PPP1CA: variants seen among roughly 807,000 people sequenced by gnomAD.
The protein encoded by PPP1CA is serine/threonine-protein phosphatase PP1-alpha catalytic subunit.
In PPP1CA, 14 loss-of-function variants were observed where a neutral mutation model predicts 38.5. The ratio of observed to expected loss-of-function variants is 0.36; its 90% CI spans 0.24 to 0.57. PPP1CA has a LOEUF of 0.57. Among genes scored for constraint, PPP1CA ranks in the 20% least tolerant of loss-of-function variants. PPP1CA has a pLI of 0.80. For missense variants in PPP1CA, 277 were observed against 435.2 expected (o/e 0.64, Z 3.23); for synonymous variants, 200 against 177.3 (o/e 1.13, Z -1.02).
Position 67,400,768 on chromosome 11 carries a change from C to T in PPP1CA, c.339G>A (p.Lys113=). ...TICLLLAYKI[K]YPENFFLLRG... is the part of the protein sequence containing the mutation. ...GGAGCAGGAAGAAGTTCTCGGGGTA[C>T]TTGATCTTATAGGCCAGCAGCAGGC... The change falls in exon 3 of 7, where the codon AAG becomes AAA. Residue 113 remains lysine (K), a synonymous_variant. Coordinates refer to ENST00000376745, the MANE Select transcript of PPP1CA (RefSeq NM_002708.4). 6.2e-7 allele frequency: 1 copy of T among 1,614,136 alleles called. No homozygotes were observed. Among genetic ancestry groups the T allele is most frequent in the Non-Finnish European group, 8.5e-7 (1 of 1,180,036 alleles).
intron 1 of PPP1CA, chr11:67,401,489 C>T: frequency 1.7e-6 from 1 of 586,672 alleles, no homozygotes; most frequent in Non-Finnish European, 2.9e-6. Flanking sequence ...TCTCCCTCGC[C>T]CCAAGAGCCC....
At chr11:67,399,434 C>A in intron 4 of PPP1CA, 127 bp downstream of exon 4, 1 of 848,116 alleles carries the variant, frequency 1.2e-6, no homozygotes. Flanking sequence ...GTGAGTGCAG[C>A]CCAGCACAGT....
Position 67,401,794 on chromosome 11 carries a change from CGCTCCAGCCCAGCA to C in PPP1CA, c.-26_-13del, listed in dbSNP as rs1303829363. 1 of 1,465,948 alleles carries C rather than the reference CGCTCCAGCCCAGCA, an allele frequency of 6.8e-7. No individual in the cohort carries two copies. The highest frequency in any genetic ancestry group is 9.1e-7 in the Non-Finnish European group (1 of 1,099,440). 90.8% of individuals were successfully genotyped at this position (1,465,948 alleles called of 1,614,324 possible). A position where few individuals can be genotyped will look rare whatever the true frequency, so the allele number is the denominator to read the frequency against. On this transcript the variant is annotated 5_prime_UTR_variant, in exon 1 of 7. Coordinates refer to ENST00000376745, the MANE Select transcript of PPP1CA (RefSeq NM_002708.4). Reference sequence around the variant, plus strand: ...TCGCTGTCGGACATGGCGGCGCCGCCGCTCCAGCCCAGCAGCTCCTGGCCCGCTCCTGCCTCCCG... The same window carrying C: ...TCGCTGTCGGACATGGCGGCGCCGCCGCTCCTGGCCCGCTCCTGCCTCCCG...
intron 1 of PPP1CA, 90 bp downstream of exon 1, chr11:67,401,638 G>T: frequency 1.8e-6 from 2 of 1,137,764 alleles, no homozygotes; most frequent in Non-Finnish European, 2.2e-6. Context: ...CCCAGTCTAA[G>T]CTGGCCCCGG....
intron 4 of PPP1CA, 82 bp from the exon 5 acceptor site, chr11:67,399,245 C>A: frequency 1.6e-6 from 2 of 1,238,410 alleles, no homozygotes; most frequent in South Asian, 1.4e-5. Context: ...CCCACCTTTC[C>A]CACCACCCTC....
chr11:67,400,714 G>A lies in PPP1CA; in HGVS notation c.393C>T (p.Asn131=), dbSNP rs767970786. The A allele has an allele frequency of 6.2e-7, 1 of 1,613,962 alleles. No homozygotes were observed. The highest frequency in any genetic ancestry group is 1.1e-5 in the South Asian group (1 of 91,084). ...LRGNHECASI[N]RIYGFYDECK... is the part of the protein sequence containing the mutation. ...ACTCATCGTAGAAACCATAGATGCG[G>A]TTGATGCTGGCACACTCGTGGTTCC... is the stretch of plus-strand genomic sequence containing the variant. Residue 131 remains asparagine (N), a synonymous_variant, in exon 3 of 7, where the codon AAC becomes AAT. Transcript: ENST00000376745.
chr11:67,399,873 G>A (rs1008785022), intron 3 of PPP1CA, among the ~76,000 whole-genome samples: 1 of 152,152 alleles, frequency 6.6e-6, no homozygotes, highest in African/African-American at 2.4e-5. Context: ...CAGTGGCTAA[G>A]ACCTGTAATC....
rs1381071014 is a variant in PPP1CA at position 67,398,763 on chromosome 11, C to T, written c.841G>A (p.Ala281Thr). ...NYCGEFDNAG[A>T]MMSVDETLMC... Reference sequence around the variant, plus strand: ...AGGGTCTCGTCCACACTCATCATGGCGCCAGCATTGTCAAACTCGCCACAG... The same window carrying T: ...AGGGTCTCGTCCACACTCATCATGGTGCCAGCATTGTCAAACTCGCCACAG... Residue 281 changes from alanine to threonine, a missense_variant, in exon 6 of 7, where the codon GCC (alanine) becomes ACC (threonine). Physicochemically the swap from Ala to Thr is moderately conservative, Grantham distance 58. Around this residue, in one of 3 missense-constraint regions of PPP1CA, gnomAD observed 180 missense variants for 356.7 expected, o/e 0.50. Transcript: ENST00000376745. 8 of 1,613,820 alleles carry T rather than the reference C, an allele frequency of 5.0e-6. No homozygotes were observed. Among genetic ancestry groups the T allele is most frequent in the Non-Finnish European group, 6.8e-6 (8 of 1,180,020 alleles).
rs1444687650 is a variant in PPP1CA, at chr11:67,399,079, T to C, written c.608A>G (p.Asp203Gly). Reference protein sequence around the residue: ...TDVPDQGLLCDLLWSDPDKDV... With the variant: ...TDVPDQGLLCGLLWSDPDKDV... ...CTTGTCAGGGTCAGACCACAGCAGG[T>C]CACACAGCAGGCCCTGGTCAGGCAC... is the stretch of plus-strand genomic sequence containing the variant. Residue 203 changes from aspartate to glycine, a missense_variant, in exon 5 of 7, where the codon GAC (aspartate) becomes GGC (glycine). Coordinates refer to ENST00000376745, the MANE Select transcript of PPP1CA (RefSeq NM_002708.4). 2 of 1,613,474 alleles carry C rather than the reference T, an allele frequency of 1.2e-6. No homozygotes were observed. The highest frequency in any genetic ancestry group is 1.7e-6 in the Non-Finnish European group (2 of 1,180,038).
chr11:67,398,937 C>G lies in PPP1CA; in HGVS notation c.747+3G>C. On this transcript the variant is annotated splice_donor_region_variant and intron_variant, in intron 5 of 6. Coordinates refer to ENST00000376745, the MANE Select transcript of PPP1CA (RefSeq NM_002708.4). ...CTGCCGCAGGCCGGAGCCACCAGCC[C>G]ACCTGGTGTGCTCGGCAGATGAGGT... The G allele has an allele frequency of 6.2e-7, 1 of 1,613,204 alleles. No homozygotes were observed. The highest frequency in any genetic ancestry group is 1.1e-5 in the South Asian group (1 of 91,086).
intron 3 of PPP1CA, among the ~76,000 whole-genome samples, chr11:67,400,339 G>A (rs1043683646): frequency 6.6e-6 from 1 of 152,152 alleles, no homozygotes; most frequent in African/African-American, 2.4e-5. Context: ...CTCCTCGCAT[G>A]CCCCCACCCA....
At chr11:67,401,000 G>A in intron 2 of PPP1CA, 68 bp downstream of exon 2, 2 of 1,608,332 alleles carry the variant, frequency 1.2e-6, no homozygotes, top group Non-Finnish European at 1.7e-6. Flanking sequence ...AGGGAGGAGG[G>A]CTCCAGGAAC....
chr11:67,399,438 G>C (rs2134981572), intron 4 of PPP1CA, 123 bp downstream of exon 4: 2 of 870,394 alleles, frequency 2.3e-6, no homozygotes, highest in Non-Finnish European at 3.7e-6. Context: ...GTGCAGCCCA[G>C]CACAGTGGGG....
intron 3 of PPP1CA, 59 bp downstream of exon 3, chr11:67,400,630 C>G: frequency 1.3e-6 from 2 of 1,511,862 alleles, no homozygotes; most frequent in Non-Finnish European, 1.8e-6. Flanking sequence ...GAAGGTCCCA[C>G]TGAATGGCAA....
rs1862777597 is a variant in PPP1CA, at chr11:67,398,200, C to A, written c.*335G>T. ...GCCATGGCGAGAATCCAGCTTTGAC[C>A]TTTATTCAAGAGACCAGATGGGTTG... On this transcript the variant is annotated 3_prime_UTR_variant, in exon 7 of 7. Coordinates refer to ENST00000376745, the MANE Select transcript of PPP1CA (RefSeq NM_002708.4). 8.6e-6 allele frequency: 3 copies of A among 348,370 alleles called. No homozygotes were observed. Among genetic ancestry groups the A allele is most frequent in the Non-Finnish European group, 1.6e-5 (3 of 188,712 alleles). 21.6% of individuals were successfully genotyped at this position (348,370 alleles called of 1,614,324 possible). A position where few individuals can be genotyped will look rare whatever the true frequency, so the allele number is the denominator to read the frequency against.
At position 67,398,508 on chromosome 11, in the gene PPP1CA, T is replaced by C. The variant is rs772022695; in HGVS notation, c.*27A>G. 2 of 1,602,232 alleles carry C rather than the reference T, an allele frequency of 1.2e-6. No homozygotes were observed. Among genetic ancestry groups the C allele is most frequent in the East Asian group, 2.2e-5 (1 of 44,812 alleles). On this transcript the variant is annotated 3_prime_UTR_variant, in exon 7 of 7. Transcript: ENST00000376745. ...TGATTTCTGTACAATCAATCCATCATCTGGGGCACAGGGTGGTGTGCGGGG... is the reference window on the plus strand; with the variant it reads ...TGATTTCTGTACAATCAATCCATCACCTGGGGCACAGGGTGGTGTGCGGGG...
At chr11:67,398,904 C>T in intron 5 of PPP1CA, 36 bp downstream of exon 5, 1 of 1,612,168 alleles carries the variant, frequency 6.2e-7, no homozygotes, top group Non-Finnish European at 8.5e-7. Context: ...CACGGCCCTC[C>T]CCTTCCCCTG....
Position 67,399,655 on chromosome 11 carries a change from G to T in PPP1CA, c.429C>A (p.Arg143=). The T allele has an allele frequency of 6.2e-7, 1 of 1,613,562 alleles. No individual in the cohort carries two copies. Among genetic ancestry groups the T allele is most frequent in the Non-Finnish European group, 8.5e-7 (1 of 1,179,694 alleles). ...AGGTTTTCCACAGTTTGATGTTGTA[G>T]CGTCTCTTGCCTGCCCAGGGGGAGG... The part of the protein sequence containing the change: ...IYGFYDECKR[R]YNIKLWKTFT... The change falls in exon 4 of 7, where the codon CGC becomes CGA. Residue 143 remains arginine, a synonymous_variant. Transcript: ENST00000376745.
chr11:67,399,998 G>A (rs531556640), intron 3 of PPP1CA, among the ~76,000 whole-genome samples: 26 of 152,180 alleles, frequency 1.7e-4, no homozygotes, highest in Non-Finnish European at 3.4e-4. Flanking sequence ...TCAGCCAGGC[G>A]TGGTGGCGCA....
Sources: gnomAD v4.1 joint callset for allele counts (sites outside exome capture counted in the v4.1 genomes callset) on GRCh38, gnomAD v4.1.1 for gene constraint, gnomAD v4.1.1 regional missense constraint, MANE v1.5 for transcripts, NCBI Gene and HGNC (gene_info 2026-07-23, HGNC 2026-07-21) for gene names.